Variants in KDM8 observed in about 807,000 individuals in gnomAD.
KDM8 encodes the protein lysine demethylase 8.
KDM8 carries 35 observed loss-of-function variants against 46.9 expected under a neutral mutation model. The observed-to-expected ratio is 0.75, with a 90% CI of 0.57 to 0.99. The LOEUF (loss-of-function observed/expected upper bound fraction) is 0.99. KDM8 is among the 50% of genes least tolerant of loss of function. The pLI is 0.00. For missense variants in KDM8, 475 were observed against 537.0 expected (o/e 0.88, Z 1.14); for synonymous variants, 232 against 227.7 (o/e 1.02, Z -0.17).
intron 2 of KDM8, 45 bp from the exon 3 acceptor site, chr16:27,213,540 C>T: frequency 1.9e-6 from 3 of 1,599,760 alleles, no homozygotes; most frequent in Non-Finnish European, 2.6e-6. Context: ...CAAATGTCGA[C>T]TTCCTGAGGT....
rs768007040 is a variant in KDM8 at position 27,210,372 on chromosome 16, A to G, written c.249A>G (p.Thr83=). The G allele has an allele frequency of 1.0e-4, 168 of 1,613,304 alleles. 2 individuals are homozygous for G. The South Asian group carries it at 1.8e-3, about 17-fold the overall frequency. ...DYSWEKLNTG[T]WQDVDKDWRR... ...CCTGGGAGAAGCTCAACACGGGCAC[A>G]TGGCAGGACGTAGACAAAGACTGGC... Residue 83 remains threonine (T), a synonymous_variant, in exon 2 of 8, where the codon ACA becomes ACG. Coordinates refer to ENST00000286096, the MANE Select transcript of KDM8 (RefSeq NM_024773.3).
At position 27,213,762 on chromosome 16, in the gene KDM8, G is replaced by C. The variant is rs761231017; in HGVS notation, c.665+11G>C. The C allele has an allele frequency of 1.9e-6, 3 of 1,612,576 alleles. No homozygotes were observed. In the South Asian group the frequency reaches 3.3e-5, roughly 18 times the overall value. ...CATGCAGAAGTGGAGGTGGGTGGTC[G>C]CTGAGGGAGGTGAGGTCCCTTTTCC... On this transcript the variant is annotated intron_variant, in intron 3 of 7. Coordinates refer to ENST00000286096, the MANE Select transcript of KDM8 (RefSeq NM_024773.3).
intron 1 of KDM8, chr16:27,203,994 T>C: frequency 9.9e-7 from 1 of 1,005,242 alleles, no homozygotes; most frequent in African/African-American, 1.7e-5. Context: ...GCGCGGGTTT[T>C]ATACTCTGCT....
At chr16:27,209,814 G>A (rs1232790923) in intron 1 of KDM8, among the ~76,000 whole-genome samples, 1 of 152,206 alleles carries the variant, frequency 6.6e-6, no homozygotes, top group Non-Finnish European at 1.5e-5. Flanking sequence ...AGTTTGCCAG[G>A]CAGCGGAGGG....
chr16:27,203,738 A>G (rs1057363902), intron 1 of KDM8, 102 bp downstream of exon 1: 1 of 258,048 alleles, frequency 3.9e-6, no homozygotes, highest in Non-Finnish European at 7.5e-6. Context: ...TGAAGCAGCC[A>G]AGCCCGGCCT....
At chr16:27,216,730 C>T (rs1409124326) in intron 5 of KDM8, among the ~76,000 whole-genome samples, 1 of 152,182 alleles carries the variant, frequency 6.6e-6, no homozygotes, top group South Asian at 2.1e-4. Context: ...GGCGGTTTCT[C>T]TTCCCCAGGC....
Position 27,210,464 on chromosome 16 carries a change from A to G in KDM8, c.341A>G (p.Asn114Ser), listed in dbSNP as rs2083471404. 3 of 1,592,868 alleles carry G rather than the reference A, an allele frequency of 1.9e-6. No individual in the cohort carries two copies. Among genetic ancestry groups the G allele is most frequent in the East Asian group, 4.5e-5 (2 of 44,466 alleles). The change falls in exon 2 of 8, where the codon AAC (asparagine) becomes AGC (serine). Residue 114 changes from asparagine to serine, a missense_variant. Transcript: ENST00000286096. ...CTGTGCCAGGCACCTGAGGATGCCA[A>G]CACTGTGGCCGCAGCCCTGCGGGTC... is the stretch of plus-strand genomic sequence containing the variant. ...LCLCQAPEDA[N>S]TVAAALRVCD...
At chr16:27,209,986 G>A in intron 1 of KDM8, 107 bp from the exon 2 acceptor site, 1 of 1,168,972 alleles carries the variant, frequency 8.6e-7, no homozygotes. Context: ...CAACAGAGAA[G>A]ACTGCTGTTG....
In KDM8 at chr16:27,210,162, C is replaced by T. The variant is rs759290113; in HGVS notation, c.39C>T (p.Ala13=). 4.3e-6 allele frequency: 7 copies of T among 1,613,504 alleles called. No individual in the cohort carries two copies. In the South Asian group the frequency reaches 4.4e-5, roughly 10 times the overall value. ...GDTHCPAEPL[A]REGTLWEALR... ...CCCACTGCCCCGCAGAGCCCCTGGC[C>T]AGAGAAGGCACTTTATGGGAGGCCC... Residue 13 remains alanine, a synonymous_variant, in exon 2 of 8, where the codon GCC becomes GCT. Transcript: ENST00000286096.
At position 27,215,119 on chromosome 16, in the gene KDM8, G is replaced by T. The variant is rs537046431; in HGVS notation, c.798+111G>T. 11 of 1,281,350 alleles carry T rather than the reference G, an allele frequency of 8.6e-6. No individual in the cohort carries two copies. In the African/African-American group the frequency reaches 1.3e-4, roughly 15 times the overall value. 79.4% of individuals were successfully genotyped at this position (1,281,350 alleles called of 1,614,324 possible). On this transcript the variant is annotated intron_variant, in intron 4 of 7. Coordinates refer to ENST00000286096, the MANE Select transcript of KDM8 (RefSeq NM_024773.3). ...TGGGAGGTTTTGGAGGAGCCAGGCT[G>T]TAAGTCTGTGGTCGGAGGGACGACC...
At chr16:27,217,488 C>A (rs1449766860) in intron 5 of KDM8, among the ~76,000 whole-genome samples, 2 of 152,198 alleles carry the variant, frequency 1.3e-5, no homozygotes, top group Non-Finnish European at 2.9e-5. Flanking sequence ...GCAGCAGCGT[C>A]GGGTTACCTT....
intron 6 of KDM8, 39 bp from the exon 7 acceptor site, chr16:27,220,354 G>A: frequency 6.3e-7 from 1 of 1,580,076 alleles, no homozygotes; most frequent in Non-Finnish European, 8.7e-7. Flanking sequence ...CAGCAGTGGA[G>A]TGAGGCCACC....
rs758459625 is a variant in KDM8, at chr16:27,219,079, A to T, written c.962A>T (p.His321Leu). ...FGPQGTISPL[H>L]QDPQQNFLVQ... ...CCCCAGGGAACCATCTCCCCACTACATCAGGATCCCCAGCAAAACTTCCTA... is the reference window on the plus strand; with the variant it reads ...CCCCAGGGAACCATCTCCCCACTACTTCAGGATCCCCAGCAAAACTTCCTA... Residue 321 changes from histidine (H) to leucine (L), a missense_variant, in exon 6 of 8, where the codon CAT becomes CTT. His to Leu is a moderately conservative substitution (Grantham distance 99, BLOSUM62 -3). Transcript: ENST00000286096. The T allele has an allele frequency of 5.6e-6, 9 of 1,612,938 alleles. No individual in the cohort carries two copies. Among genetic ancestry groups the T allele is most frequent in the Non-Finnish European group, 6.8e-6 (8 of 1,179,392 alleles).
intron 1 of KDM8, chr16:27,203,965 G>T: frequency 1.5e-6 from 1 of 688,392 alleles, no homozygotes; most frequent in Non-Finnish European, 2.4e-6. Context: ...CGTCGCGTTG[G>T]TGTAGGCCTA....
At chr16:27,206,309 G>C (rs1332031740) in intron 1 of KDM8, 1 of 668,348 alleles carries the variant, frequency 1.5e-6, no homozygotes, top group Non-Finnish European at 1.8e-6. Flanking sequence ...CTCTTGCTCT[G>C]TCACCCAAGC....
rs149031677 is a variant in KDM8 at position 27,203,843 on chromosome 16, G to A, written c.-32+207G>A. 860 of 437,596 alleles carry A rather than the reference G, an allele frequency of 2.0e-3. 23 individuals carry two copies. In the East Asian group the frequency reaches 0.03, roughly 15 times the overall value. 27.1% of individuals were successfully genotyped at this position (437,596 alleles called of 1,614,324 possible). ...CTCGTCGCCGGCCTGCCCTGCGGGA[G>A]GATAAAGGGAAAGGTTCCGCGCGTG... On this transcript the variant is annotated intron_variant, in intron 1 of 7. Transcript: ENST00000286096.
chr16:27,203,793 C>T, intron 1 of KDM8, 157 bp downstream of exon 1: 1 of 362,154 alleles, frequency 2.8e-6, no homozygotes, highest in Admixed American at 4.6e-5. Flanking sequence ...CGAGTTGCCG[C>T]ATGCGCTCTG....
At chr16:27,204,139 G>A (rs1567259850) in intron 1 of KDM8, 1 of 1,536,184 alleles carries the variant, frequency 6.5e-7, no homozygotes, top group East Asian at 2.6e-5. Flanking sequence ...GAGGAGGGAA[G>A]GGGGTCTGAG....
intron 1 of KDM8, chr16:27,203,999 T>G (rs1354926351): frequency 3.3e-5 from 34 of 1,045,328 alleles, no homozygotes; most frequent in Non-Finnish European, 4.3e-5. Flanking sequence ...GGTTTTATAC[T>G]CTGCTATATG....
Sources: allele counts gnomAD v4.1 joint callset (sites outside exome capture counted in the v4.1 genomes callset), GRCh38; gene constraint gnomAD v4.1.1; transcripts MANE v1.5; gene names NCBI Gene and HGNC (gene_info 2026-07-23, HGNC 2026-07-21).